MKX: variants seen among roughly 807,000 people sequenced by gnomAD.
MKX encodes the protein mohawk homeobox, also known as homeobox protein Mohawk.
Under a neutral mutation model 36.0 loss-of-function variants are expected in MKX, and 13 were observed. The observed-to-expected ratio is 0.36, with a 90% confidence interval of 0.24 to 0.57. The LOEUF (loss-of-function observed/expected upper bound fraction) is 0.57, where lower values mean the gene tolerates loss of function less well. Among genes scored for constraint, MKX ranks in the 20% least tolerant of loss-of-function variants. MKX has a pLI of 0.79. For synonymous variants in MKX, 176 were observed against 178.3 expected (o/e 0.99, Z 0.10); for missense variants, 458 against 456.4 (o/e 1.00, Z -0.03).
At chr10:27,708,172 G>A (rs1290446926) in intron 5 of MKX, among the ~76,000 whole-genome samples, 1 of 152,118 alleles carries the variant, frequency 6.6e-6, no homozygotes, top group African/African-American at 2.4e-5. Flanking sequence ...AGCCAGTATG[G>A]CATTCACACC....
At chr10:27,685,641 G>C (rs1044422156) in intron 5 of MKX, among the ~76,000 whole-genome samples, 3 of 151,896 alleles carry the variant, frequency 2.0e-5, no homozygotes, top group Non-Finnish European at 2.9e-5. Context: ...TAGTAGAGAC[G>C]GGGTTTCACC....
At chr10:27,706,545 CTGTG>C (rs60800576) in intron 5 of MKX, among the ~76,000 whole-genome samples, 2,477 of 144,964 alleles carry the variant, frequency 0.017, 55 homozygotes, top group African/African-American at 0.057. Flanking sequence ...TCGTTAATTC[CTGTG>C]TGTGTGTGTG....
intron 5 of MKX, among the ~76,000 whole-genome samples, chr10:27,710,060 G>C (rs1257628435): frequency 6.6e-6 from 1 of 152,026 alleles, no homozygotes; most frequent in African/African-American, 2.4e-5. Flanking sequence ...TATTTCACAT[G>C]CTGGGTTGCC....
intron 5 of MKX, among the ~76,000 whole-genome samples, chr10:27,687,959 A>G (rs1836388215): frequency 6.6e-6 from 1 of 152,026 alleles, no homozygotes; most frequent in Non-Finnish European, 1.5e-5. Context: ...CAGAGTCCAG[A>G]CTCTAGACCT....
intron 5 of MKX, among the ~76,000 whole-genome samples, chr10:27,732,291 G>T (rs1834648485): frequency 6.6e-6 from 1 of 152,006 alleles, no homozygotes; most frequent in Admixed American, 6.6e-5. Context: ...CATGTGTTTT[G>T]GGAATTGGAT....
intron 6 of MKX, 40 bp downstream of exon 6, chr10:27,675,481 G>T: frequency 6.2e-7 from 1 of 1,614,020 alleles, no homozygotes; most frequent in Non-Finnish European, 8.5e-7. Context: ...AAATGCCATC[G>T]CTGAAAAGCA....
chr10:27,697,781 G>A (rs1477245922), intron 5 of MKX, among the ~76,000 whole-genome samples: 2 of 152,208 alleles, frequency 1.3e-5, no homozygotes, highest in African/African-American at 2.4e-5. Context: ...TGTGGTGAAC[G>A]AATGGTATAG....
intron 5 of MKX, among the ~76,000 whole-genome samples, chr10:27,696,397 T>C (rs114553193): frequency 0.013 from 1,979 of 152,292 alleles, 33 homozygotes; most frequent in African/African-American, 0.045. Context: ...ATTGTTTTTG[T>C]AGAGACAGCA....
intron 5 of MKX, among the ~76,000 whole-genome samples, chr10:27,720,274 TAAGC>T (rs2132612830): frequency 6.6e-6 from 1 of 150,900 alleles, no homozygotes; most frequent in South Asian, 2.1e-4. Flanking sequence ...GCTCATTCAA[TAAGC>T]CTAACATAAC....
intron 5 of MKX, among the ~76,000 whole-genome samples, chr10:27,709,952 A>G (rs949084701): frequency 7.9e-5 from 12 of 152,266 alleles, no homozygotes; most frequent in Non-Finnish European, 1.5e-5. Context: ...ACAAAATAGT[A>G]TCATTTTAAC....
intron 5 of MKX, among the ~76,000 whole-genome samples, chr10:27,697,299 T>C (rs1054991990): frequency 1.3e-4 from 20 of 152,212 alleles, no homozygotes; most frequent in Non-Finnish European, 2.5e-4. Flanking sequence ...TATCTTTTTG[T>C]GAGTGTTGTA....
chr10:27,685,347 T>C (rs995500825), intron 5 of MKX, among the ~76,000 whole-genome samples: 2 of 152,124 alleles, frequency 1.3e-5, no homozygotes, highest in Non-Finnish European at 2.9e-5. Flanking sequence ...TTTCTCCTTA[T>C]GATTTAATAT....
chr10:27,672,880 T>C lies in MKX; in HGVS notation c.*2349A>G, dbSNP rs2132477602. ...AACAAAATCCATACGATCATCGAGGTCTAGAAATTAACTTTTATTTTAAAT... is the reference window on the plus strand; with the variant it reads ...AACAAAATCCATACGATCATCGAGGCCTAGAAATTAACTTTTATTTTAAAT... On this transcript the variant is annotated 3_prime_UTR_variant, in exon 7 of 7. Coordinates refer to ENST00000419761, the MANE Select transcript of MKX (RefSeq NM_173576.3). 6.6e-6 allele frequency: 1 copy of C among 152,258 alleles called. No individual in the cohort carries two copies. The highest frequency in any genetic ancestry group is 2.1e-4 in the South Asian group (1 of 4,832). The allele number at this position is 152,258 out of a possible 1,614,324, so 9.4% of individuals were successfully genotyped here.
intron 5 of MKX, among the ~76,000 whole-genome samples, chr10:27,699,404 C>A (rs1313528997): frequency 6.6e-6 from 1 of 152,136 alleles, no homozygotes; most frequent in African/African-American, 2.4e-5. Flanking sequence ...AAAAAAGGGA[C>A]TTGTGGAAAG....
chr10:27,741,646 T>C lies in MKX; in HGVS notation c.189-142A>G. 1.1e-6 allele frequency: 1 copy of C among 945,826 alleles called. No homozygotes were observed. Among genetic ancestry groups the C allele is most frequent in the Non-Finnish European group, 1.5e-6 (1 of 661,690 alleles). The allele number at this position is 945,826 out of a possible 1,614,324, so 58.6% of individuals were successfully genotyped here. A position where few individuals can be genotyped will look rare whatever the true frequency, so the allele number is the denominator to read the frequency against. On this transcript the variant is annotated intron_variant, in intron 2 of 6. Coordinates refer to ENST00000419761, the MANE Select transcript of MKX (RefSeq NM_173576.3). This position sits in a 1 kb window ranked among gnomAD's most constrained non-coding sequence, Gnocchi z 5.1. ...CCTGCTTTGCGCGCGCCCAGAGTGTTTGGGAGAGGCAGGAAGTGGGAGCCA... is the reference window on the plus strand; with the variant it reads ...CCTGCTTTGCGCGCGCCCAGAGTGTCTGGGAGAGGCAGGAAGTGGGAGCCA...
intron 5 of MKX, among the ~76,000 whole-genome samples, chr10:27,727,231 C>T (rs1834510615): frequency 6.6e-6 from 1 of 152,174 alleles, no homozygotes; most frequent in Non-Finnish European, 1.5e-5. Flanking sequence ...TGTTTATAAG[C>T]TATATAGTAT....
chr10:27,694,527 A>AAAAAATATATAT (rs547670335), intron 5 of MKX, among the ~76,000 whole-genome samples: 9 of 114,334 alleles, frequency 7.9e-5, no homozygotes, highest in South Asian at 6.3e-4. Flanking sequence ...AAAAAAAAAA[A>AAAAAATATATAT]ATATATATAT....
At chr10:27,743,571 C>T in intron 1 of MKX, 74 bp from the exon 2 acceptor site, 1 of 819,430 alleles carries the variant, frequency 1.2e-6, no homozygotes. Context: ...GGGCCTTGAA[C>T]TTGGCCGGGT....
At chr10:27,734,362 G>A (rs1327794347) in intron 5 of MKX, 94 bp downstream of exon 5, 6 of 1,124,584 alleles carry the variant, frequency 5.3e-6, no homozygotes, top group African/African-American at 4.7e-5. Context: ...ATAATCTGAT[G>A]TCTTTATACC....
Sources: allele counts gnomAD v4.1 joint callset (sites outside exome capture counted in the v4.1 genomes callset), GRCh38; gene constraint gnomAD v4.1.1; non-coding constraint Gnocchi (gnomAD v3.1); transcripts MANE v1.5; gene names NCBI Gene and HGNC (gene_info 2026-07-23, HGNC 2026-07-21).